MAFB: variants seen among roughly 807,000 people sequenced by gnomAD.
MAFB encodes the protein transcription factor MafB.
A neutral mutation model predicts 17.7 loss-of-function variants in MAFB; 3 were observed. The ratio of observed to expected loss-of-function variants is 0.17; its 90% CI spans 0.08 to 0.44. The LOEUF is 0.44. Among genes scored for constraint, MAFB ranks in the 20% least tolerant of loss-of-function variants. The pLI, the probability that MAFB is intolerant of heterozygous loss-of-function variation, is 0.99. For missense variants in MAFB, 355 were observed against 461.3 expected (o/e 0.77, Z 2.11); for synonymous variants, 214 against 211.5 (o/e 1.01, Z -0.10).
In MAFB at chr20:40,687,349, G is replaced by GC; in HGVS notation, c.*529dup. 2.5e-6 allele frequency: 1 copy of GC among 398,262 alleles called. No individual in the cohort carries two copies. The highest frequency in any genetic ancestry group is 3.6e-5 in the East Asian group (1 of 27,858). 24.7% of individuals were successfully genotyped at this position (398,262 alleles called of 1,614,324 possible). A position where few individuals can be genotyped will look rare whatever the true frequency, so the allele number is the denominator to read the frequency against. On this transcript the variant is annotated 3_prime_UTR_variant, in exon 1 of 1. Transcript: ENST00000373313. ...TGAGGCCTGTGTCTCAGGGCTGAGAGCCAGTGTTCTCCGAACTCTGACAGA... is the reference window on the plus strand; with the variant it reads ...TGAGGCCTGTGTCTCAGGGCTGAGAGCCCAGTGTTCTCCGAACTCTGACAGA...
In MAFB at chr20:40,688,593, G is replaced by A; in HGVS notation, c.258C>T (p.Tyr86=). The A allele has an allele frequency of 6.2e-7, 1 of 1,614,128 alleles. No individual in the cohort carries two copies. Among genetic ancestry groups the A allele is most frequent in the East Asian group, 2.2e-5 (1 of 44,882 alleles). ...TEQKTHLEDL[Y]WMASNYQQMN... ...TCTGCTGGTAGTTGCTCGCCATCCAGTACAGATCCTCGAGGTGTGTCTTCT... is the reference window on the plus strand; with the variant it reads ...TCTGCTGGTAGTTGCTCGCCATCCAATACAGATCCTCGAGGTGTGTCTTCT... Residue 86 remains tyrosine, a synonymous_variant, in exon 1 of 1, where the codon TAC becomes TAT. Transcript: ENST00000373313.
Position 40,687,813 on chromosome 20 carries a change from G to A in MAFB, c.*66C>T. ...GCAGGGACAGGGTCCGGGGTAGTCT[G>A]GGACTAGGGACGTGGGACAGGGAGT... On this transcript the variant is annotated 3_prime_UTR_variant, in exon 1 of 1. Transcript: ENST00000373313. 1 of 1,544,406 alleles carries A rather than the reference G, an allele frequency of 6.5e-7. No homozygotes were observed.
chr20:40,686,731 C>T lies in MAFB; in HGVS notation c.*1148G>A. On this transcript the variant is annotated 3_prime_UTR_variant, in exon 1 of 1. Transcript: ENST00000373313. ...CATAAGACAAGGCTGTAGTCCAGAA[C>T]ACTCCTCTGGGGTGCGGAGCTTGGC... The T allele has an allele frequency of 2.5e-6, 1 of 398,672 alleles. No homozygotes were observed. 24.7% of individuals were successfully genotyped at this position (398,672 alleles called of 1,614,324 possible). A position where few individuals can be genotyped will look rare whatever the true frequency, so the allele number is the denominator to read the frequency against.
rs1420045448 is a variant in MAFB, at chr20:40,688,001, C to T, written c.850G>A (p.Val284Met). The change falls in exon 1 of 1, where the codon GTG becomes ATG. Residue 284 changes from valine to methionine, a missense_variant. Transcript: ENST00000373313. ...TCTCTCTCGCGGGCCAGCCGGGACA[C>T]CTCCTGCTTAAGCTGCTCCACCTGC... is the stretch of plus-strand genomic sequence containing the variant. Reference protein sequence around the residue: ...IQQVEQLKQEVSRLARERDAY... With the variant: ...IQQVEQLKQEMSRLARERDAY... 2.5e-6 allele frequency: 4 copies of T among 1,614,188 alleles called. No homozygotes were observed. Among genetic ancestry groups the T allele is most frequent in the East Asian group, 2.2e-5 (1 of 44,882 alleles).
Position 40,687,963 on chromosome 20 carries a change from G to C in MAFB, c.888C>G (p.Val296=), listed in dbSNP as rs767065484. The C allele has an allele frequency of 6.2e-7, 1 of 1,614,056 alleles. No individual in the cohort carries two copies. The highest frequency in any genetic ancestry group is 1.7e-5 in the Admixed American group (1 of 60,036). Residue 296 remains valine (V), a synonymous_variant, in exon 1 of 1, where the codon GTC becomes GTG. Transcript: ENST00000373313. The stretch of plus-strand genomic sequence containing the variant: ...CGGAGTTGGCGAGTTTCTCGCACTT[G>C]ACCTTGTAGGCGTCTCTCTCGCGGG... ...RLARERDAYK[V]KCEKLANSGF... is the part of the protein sequence containing the mutation.
At position 40,687,685 on chromosome 20, in the gene MAFB, T is replaced by C. The variant is rs1986861478; in HGVS notation, c.*194A>G. ...GGCGCTGGCGTGCGCTACTCTCGCC[T>C]TAGCCAAGGTCCCCTGCCCGCCCGC... is the stretch of plus-strand genomic sequence containing the variant. On this transcript the variant is annotated 3_prime_UTR_variant, in exon 1 of 1. Transcript: ENST00000373313. The C allele has an allele frequency of 3.0e-6, 2 of 663,624 alleles. No homozygotes were observed. The highest frequency in any genetic ancestry group is 5.1e-6 in the Non-Finnish European group (2 of 395,108). 41.1% of individuals were successfully genotyped at this position (663,624 alleles called of 1,614,324 possible). A position where few individuals can be genotyped will look rare whatever the true frequency, so the allele number is the denominator to read the frequency against.
In MAFB at chr20:40,687,718, C is replaced by T; in HGVS notation, c.*161G>A. The stretch of plus-strand genomic sequence containing the variant: ...GGTCCCCTGCCCGCCCGCGCACCCG[C>T]CCGTCGCCCGCGGCCCGCGCGCCCT... On this transcript the variant is annotated 3_prime_UTR_variant, in exon 1 of 1. Coordinates refer to ENST00000373313, the MANE Select transcript of MAFB (RefSeq NM_005461.5). 1 of 910,942 alleles carries T rather than the reference C, an allele frequency of 1.1e-6. No individual in the cohort carries two copies. Among genetic ancestry groups the T allele is most frequent in the Non-Finnish European group, 1.6e-6 (1 of 620,666 alleles). The allele number at this position is 910,942 out of a possible 1,614,324, so 56.4% of individuals were successfully genotyped here.
rs777476019 is a variant in MAFB at position 40,687,039 on chromosome 20, G to T, written c.*840C>A. 1.6e-4 allele frequency: 63 copies of T among 398,518 alleles called. No individual in the cohort carries two copies. The highest frequency in any genetic ancestry group is 2.4e-4 in the Non-Finnish European group (55 of 226,010). The allele number at this position is 398,518 out of a possible 1,614,324, so 24.7% of individuals were successfully genotyped here. A position where few individuals can be genotyped will look rare whatever the true frequency, so the allele number is the denominator to read the frequency against. Reference sequence around the variant, plus strand: ...CAGCTTGCTGCCACGTTCTCTATGCGGTTTGGCGGGGCGGGTATTTACAAG... The same window carrying T: ...CAGCTTGCTGCCACGTTCTCTATGCTGTTTGGCGGGGCGGGTATTTACAAG... On this transcript the variant is annotated 3_prime_UTR_variant, in exon 1 of 1. Coordinates refer to ENST00000373313, the MANE Select transcript of MAFB (RefSeq NM_005461.5).
rs1234533512 is a variant in MAFB at position 40,688,871 on chromosome 20, GCCGCT to G, written c.-26_-22del. On this transcript the variant is annotated 5_prime_UTR_variant, in exon 1 of 1. Transcript: ENST00000373313. ...GCCATCGCTGAAGCGAGGCGCAGCCGCCGCTGCCGCCCGGGAAACTTTGCGGCCGG... is the reference window on the plus strand; with the variant it reads ...GCCATCGCTGAAGCGAGGCGCAGCCGGCCGCCCGGGAAACTTTGCGGCCGG... 6.4e-7 allele frequency: 1 copy of G among 1,570,696 alleles called. No individual in the cohort carries two copies. The highest frequency in any genetic ancestry group is 8.6e-7 in the Non-Finnish European group (1 of 1,161,434).
chr20:40,688,007 G>T lies in MAFB; in HGVS notation c.844C>A (p.Gln282Lys). ...TCGCGGGCCAGCCGGGACACCTCCTGCTTAAGCTGCTCCACCTGCTGAATG... is the reference window on the plus strand; with the variant it reads ...TCGCGGGCCAGCCGGGACACCTCCTTCTTAAGCTGCTCCACCTGCTGAATG... ...QLIQQVEQLK[Q>K]EVSRLARERD... Residue 282 changes from glutamine to lysine, a missense_variant, in exon 1 of 1, where the codon CAG (glutamine) becomes AAG (lysine). Physicochemically the swap from Gln to Lys is moderately conservative, Grantham distance 53. Transcript: ENST00000373313. 1 of 1,614,198 alleles carries T rather than the reference G, an allele frequency of 6.2e-7. No homozygotes were observed. Among genetic ancestry groups the T allele is most frequent in the Non-Finnish European group, 8.5e-7 (1 of 1,180,044 alleles).
rs1280892671 is a variant in MAFB at position 40,687,504 on chromosome 20, C to T, written c.*375G>A. 2.6e-6 allele frequency: 1 copy of T among 391,086 alleles called. No individual in the cohort carries two copies. The highest frequency in any genetic ancestry group is 4.5e-6 in the Non-Finnish European group (1 of 220,998). 24.2% of individuals were successfully genotyped at this position (391,086 alleles called of 1,614,324 possible). ...TCTCCGGGCAGCAAAGCAGCTGTCC[C>T]GGCTTAACGCGCAAAGTTCAGAAAG... is the stretch of plus-strand genomic sequence containing the variant. On this transcript the variant is annotated 3_prime_UTR_variant, in exon 1 of 1. Transcript: ENST00000373313.
At position 40,687,064 on chromosome 20, in the gene MAFB, G is replaced by T. The variant is rs1412115818; in HGVS notation, c.*815C>A. The T allele has an allele frequency of 2.0e-5, 8 of 398,622 alleles. No individual in the cohort carries two copies. Among genetic ancestry groups the T allele is most frequent in the African/African-American group, 1.4e-4 (7 of 48,486 alleles). 24.7% of individuals were successfully genotyped at this position (398,622 alleles called of 1,614,324 possible). A position where few individuals can be genotyped will look rare whatever the true frequency, so the allele number is the denominator to read the frequency against. On this transcript the variant is annotated 3_prime_UTR_variant, in exon 1 of 1. Transcript: ENST00000373313. ...GGTTTGGCGGGGCGGGTATTTACAA[G>T]CCTACAGCTGGGACTGAAACCCCGC...
Position 40,687,268 on chromosome 20 carries a change from C to T in MAFB, c.*611G>A, listed in dbSNP as rs1986850787. On this transcript the variant is annotated 3_prime_UTR_variant, in exon 1 of 1. Coordinates refer to ENST00000373313, the MANE Select transcript of MAFB (RefSeq NM_005461.5). ...TTTAATGCAGATTTTTTGTATTTTT[C>T]TATATAATCGAGCAGGCAATAAAAC... 1 of 398,290 alleles carries T rather than the reference C, an allele frequency of 2.5e-6. No individual in the cohort carries two copies. The highest frequency in any genetic ancestry group is 1.4e-4 in the South Asian group (1 of 7,026). 24.7% of individuals were successfully genotyped at this position (398,290 alleles called of 1,614,324 possible).
At position 40,685,942 on chromosome 20, in the gene MAFB, A is replaced by C. The variant is rs1986820012; in HGVS notation, c.*1937T>G. On this transcript the variant is annotated 3_prime_UTR_variant, in exon 1 of 1. Coordinates refer to ENST00000373313, the MANE Select transcript of MAFB (RefSeq NM_005461.5). ...CAGAAACCAGTCTGAATAAAACTAC[A>C]ATAGACTAGGTTTTAATATTTTCAT... 5.4e-6 allele frequency: 1 copy of C among 185,926 alleles called. No homozygotes were observed. The highest frequency in any genetic ancestry group is 2.3e-5 in the African/African-American group (1 of 42,668). The allele number at this position is 185,926 out of a possible 1,614,324, so 11.5% of individuals were successfully genotyped here. A position where few individuals can be genotyped will look rare whatever the true frequency, so the allele number is the denominator to read the frequency against.
chr20:40,686,949 CT>C lies in MAFB; in HGVS notation c.*929del, dbSNP rs11482617. 131 of 348,004 alleles carry C rather than the reference CT, an allele frequency of 3.8e-4. No homozygotes were observed. Among genetic ancestry groups the C allele is most frequent in the Non-Finnish European group, 4.4e-4 (85 of 192,812 alleles). The allele number at this position is 348,004 out of a possible 1,614,324, so 21.6% of individuals were successfully genotyped here. On this transcript the variant is annotated 3_prime_UTR_variant, in exon 1 of 1. Transcript: ENST00000373313. The stretch of plus-strand genomic sequence containing the variant: ...TGATGCAAAATGCCCGGAACTTTTT[CT>C]TTTTTTTTTTCTTTTTAACTTACAA...
Position 40,688,786 on chromosome 20 carries a change from T to C in MAFB, c.65A>G (p.Asn22Ser), listed in dbSNP as rs1408530531. The C allele has an allele frequency of 1.2e-6, 2 of 1,613,690 alleles. No homozygotes were observed. The highest frequency in any genetic ancestry group is 1.7e-6 in the Non-Finnish European group (2 of 1,179,890). The stretch of plus-strand genomic sequence containing the variant: ...GTCGAACTTGAGCAGGTCGAAGTCG[T>C]TGACATACTCCATGGCCAGCGGGCT... ...PTSPLAMEYV[N>S]DFDLLKFDVK... Residue 22 changes from asparagine to serine, a missense_variant, in exon 1 of 1, where the codon AAC becomes AGC. Physicochemically the swap from Asn to Ser is conservative, Grantham distance 46 (BLOSUM62 1). Transcript: ENST00000373313.
rs1329932640 is a variant in MAFB, at chr20:40,687,668, C to A, written c.*211G>T. 4.9e-6 allele frequency: 3 copies of A among 615,130 alleles called. No individual in the cohort carries two copies. The highest frequency in any genetic ancestry group is 4.0e-5 in the South Asian group (2 of 50,190). 38.1% of individuals were successfully genotyped at this position (615,130 alleles called of 1,614,324 possible). ...GCTCGAGTCTAGGAGGCGGCGCTGG[C>A]GTGCGCTACTCTCGCCTTAGCCAAG... is the stretch of plus-strand genomic sequence containing the variant. On this transcript the variant is annotated 3_prime_UTR_variant, in exon 1 of 1. Transcript: ENST00000373313.
Position 40,688,958 on chromosome 20 carries a change from G to A in MAFB, c.-108C>T. 1 of 1,385,986 alleles carries A rather than the reference G, an allele frequency of 7.2e-7. No individual in the cohort carries two copies. Among genetic ancestry groups the A allele is most frequent in the Non-Finnish European group, 9.3e-7 (1 of 1,070,312 alleles). The allele number at this position is 1,385,986 out of a possible 1,614,324, so 85.9% of individuals were successfully genotyped here. On this transcript the variant is annotated 5_prime_UTR_variant, in exon 1 of 1. Transcript: ENST00000373313. ...AGAGCGGAGAAGAGCTGGGGAGGCG[G>A]GGAGCGAGGGCGCAGCGGGCCGGGG...
Position 40,689,000 on chromosome 20 carries a change from T to C in MAFB, c.-150A>G, listed in dbSNP as rs1418295360. On this transcript the variant is annotated 5_prime_UTR_variant, in exon 1 of 1. Transcript: ENST00000373313. Reference sequence around the variant, plus strand: ...GGGCCGGGGCCGCCGGCCAAGCCTTTGTCTGGGGACGCGGCGGCGCGCCGG... The same window carrying C: ...GGGCCGGGGCCGCCGGCCAAGCCTTCGTCTGGGGACGCGGCGGCGCGCCGG... The C allele has an allele frequency of 3.5e-6, 4 of 1,148,042 alleles. No individual in the cohort carries two copies. The highest frequency in any genetic ancestry group is 4.6e-6 in the Non-Finnish European group (4 of 873,932). The allele number at this position is 1,148,042 out of a possible 1,614,324, so 71.1% of individuals were successfully genotyped here. A position where few individuals can be genotyped will look rare whatever the true frequency, so the allele number is the denominator to read the frequency against.
Sources: gnomAD v4.1 joint callset for allele counts on GRCh38, gnomAD v4.1.1 for gene constraint, MANE v1.5 for transcripts, NCBI Gene and HGNC (gene_info 2026-07-23, HGNC 2026-07-21) for gene names.